TTN: variants seen among roughly 807,000 people sequenced by gnomAD.
TTN encodes the protein connectin.
TTN carries 1,525 observed loss-of-function variants against 3,223.0 expected under a neutral mutation model. The observed-to-expected ratio is 0.47, with a 90% CI of 0.45 to 0.49. The LOEUF (loss-of-function observed/expected upper bound fraction) is 0.49. TTN is among the 20% of genes least tolerant of loss of function. TTN has a pLI of 0.00. For missense variants in TTN, 40,786 were observed against 43,424.0 expected, an observed-to-expected ratio of 0.94 and a Z score of 5.40; for synonymous variants, 14,094 against 15,161.0, an observed-to-expected ratio of 0.93 and a Z score of 5.17.
At position 178,731,101 on chromosome 2, in the gene TTN, T is replaced by C. The variant is rs772017452; in HGVS notation, c.17564A>G (p.Lys5855Arg). 1.2e-6 allele frequency: 2 copies of C among 1,613,600 alleles called. No individual in the cohort carries two copies. Among genetic ancestry groups the C allele is most frequent in the East Asian group, 2.2e-5 (1 of 44,868 alleles). Residue 5855 changes from lysine (K) to arginine (R), a missense_variant, in exon 60 of 363, where the codon AAA (lysine) becomes AGA (arginine). Transcript: ENST00000589042. ...KFSGTKEITA[K>R]WFKDGQELTL... ...CAGTTCTTGGCCATCTTTAAACCAT[T>C]TGGCTGTAATCTCCTTAGTCCCTGA...
chr2:178,790,223 A>T (rs1325093097), intron 11 of TTN, 108 bp from the exon 12 acceptor site: 10 of 1,192,328 alleles, frequency 8.4e-6, no homozygotes, highest in Non-Finnish European at 1.0e-5. Context: ...CTATTCAAGG[A>T]AATTTTAATT....
Position 178,634,298 on chromosome 2 carries a change from G to A in TTN, c.42415+68C>T, listed in dbSNP as rs535976263. On this transcript the variant is annotated intron_variant, in intron 230 of 362. Coordinates refer to ENST00000589042, the MANE Select transcript of TTN (RefSeq NM_001267550.2). The surrounding 1 kb of genome is among the most constrained non-coding windows in gnomAD (Gnocchi z 4.6). ...ATTATCACAGCTTTTAGAACTTGGC[G>A]TCCTATCTTTAAAGTCATATATTTG... 5.3e-5 allele frequency: 82 copies of A among 1,549,464 alleles called. No individual in the cohort carries two copies. Among genetic ancestry groups the A allele is most frequent in the African/African-American group, 2.9e-4 (21 of 71,818 alleles).
intron 241 of TTN, 139 bp downstream of exon 241, chr2:178,625,134 C>G: frequency 1.6e-6 from 2 of 1,277,426 alleles, no homozygotes; most frequent in African/African-American, 1.6e-5. Flanking sequence ...TTTTGTTATG[C>G]TAAAAAGTAA....
intron 149 of TTN, 186 bp from the exon 150 acceptor site, chr2:178,675,299 G>T (rs542182128): frequency 1.7e-5 from 7 of 421,702 alleles, no homozygotes; most frequent in Non-Finnish European, 2.5e-5. Context: ...AAGATTTAGG[G>T]TTTATTAAAG....
chr2:178,644,420 T>C (rs1214413656), intron 218 of TTN, 128 bp downstream of exon 218: 2 of 677,856 alleles, frequency 3.0e-6, no homozygotes, highest in East Asian at 3.3e-5. Context: ...CACAGAAATA[T>C]AAGAAATGAA....
chr2:178,541,022 G>A (rs1019056252), intron 350 of TTN: 1 of 317,112 alleles, frequency 3.2e-6, no homozygotes, highest in African/African-American at 2.1e-5. Context: ...TCATCTTAAA[G>A]AAGTGGAAAT....
At chr2:178,701,655 G>A (rs1560495367) in intron 109 of TTN, 68 bp from the exon 110 acceptor site, 2 of 1,481,510 alleles carry the variant, frequency 1.3e-6, no homozygotes, top group Non-Finnish European at 1.9e-6. Context: ...ACTAAGGTGT[G>A]TTTGATTTAT....
rs1561509337 is a variant in TTN at position 178,800,262 on chromosome 2, GA to G, written c.583+132del. On this transcript the variant is annotated intron_variant, in intron 4 of 362. Transcript: ENST00000589042. ...ATCTCAGGGACTTTTCATGGGTGTC[GA>G]AAAGCCAGCTTTTATATCAGCTCAC... 6 of 1,263,318 alleles carry G rather than the reference GA, an allele frequency of 4.7e-6. No homozygotes were observed. The African/African-American group carries it at 9.0e-5, about 19-fold the overall frequency. The allele number at this position is 1,263,318 out of a possible 1,614,324, so 78.3% of individuals were successfully genotyped here.
rs2076763407 is a variant in TTN, at chr2:178,712,226, C to G, written c.27608-4G>C. 6.2e-7 allele frequency: 1 copy of G among 1,611,630 alleles called. No individual in the cohort carries two copies. The highest frequency in any genetic ancestry group is 8.5e-7 in the Non-Finnish European group (1 of 1,178,368). On this transcript the variant is annotated splice_region_variant and splice_polypyrimidine_tract_variant and intron_variant, in intron 95 of 362. Coordinates refer to ENST00000589042, the MANE Select transcript of TTN (RefSeq NM_001267550.2). ...TGCTTGACAAAATACGGTGGTTCTG[C>G]AGCCAAGAGAGATAATCAATCAGTC...
chr2:178,554,826 G>A (rs1245237133), intron 331 of TTN, 39 bp downstream of exon 331: 2 of 1,612,798 alleles, frequency 1.2e-6, no homozygotes, highest in Non-Finnish European at 1.7e-6. Flanking sequence ...TAAGCTTTAG[G>A]CAAATGTAAT....
rs794729382 is a variant in TTN, at chr2:178,570,804, G to T, written c.75328C>A (p.Arg25110=). 6.2e-7 allele frequency: 1 copy of T among 1,613,504 alleles called. No homozygotes were observed. Among genetic ancestry groups the T allele is most frequent in the Non-Finnish European group, 8.5e-7 (1 of 1,179,610 alleles). Residue 25110 remains arginine (R), a synonymous_variant, in exon 326 of 363, where the codon CGA becomes AGA. Transcript: ENST00000589042. ...TTGTATTTTGGATCCATACTTATTC[G>T]TGGTGGATCTACCTCATCTCTAGCT... ...ITARDEVDPP[R]ISMDPKYKDT...
chr2:178,725,733 A>C (rs1474212018), intron 70 of TTN, 35 bp downstream of exon 70: 1 of 1,555,834 alleles, frequency 6.4e-7, no homozygotes, highest in Admixed American at 1.9e-5. Context: ...TTGCACATTT[A>C]TGACATTTCT....
In TTN at chr2:178,776,058, T is replaced by TA; in HGVS notation, c.5805dup (p.Arg1936Ter). ...TCAGGAGCTCTCCTAAGGACAGACC[T>TA]AAAATCTTCCCTCTGTTGAATCTCA... On this transcript the variant is annotated frameshift_variant, in exon 28 of 363. Coordinates refer to ENST00000589042, the MANE Select transcript of TTN (RefSeq NM_001267550.2). LOFTEE classifies it high-confidence loss of function. The TA allele has an allele frequency of 6.2e-7, 1 of 1,614,214 alleles. No individual in the cohort carries two copies. Among genetic ancestry groups the TA allele is most frequent in the South Asian group, 1.1e-5 (1 of 91,090 alleles).
At chr2:178,594,712 GTGAA>G in intron 295 of TTN, 66 bp from the exon 296 acceptor site, 1 of 1,307,408 alleles carries the variant, frequency 7.6e-7, no homozygotes, top group Non-Finnish European at 1.1e-6. Flanking sequence ...GTAGGATGTA[GTGAA>G]TATTCCTTTT....
intron 282 of TTN, 142 bp downstream of exon 282, chr2:178,603,734 T>C: frequency 3.9e-6 from 3 of 766,732 alleles, no homozygotes; most frequent in Non-Finnish European, 5.9e-6. Flanking sequence ...ATACTTCCGA[T>C]AGTCTATGTG....
chr2:178,694,752 A>T (rs1208684513), intron 116 of TTN, 76 bp from the exon 117 acceptor site: 29 of 1,485,922 alleles, frequency 2.0e-5, no homozygotes, highest in Non-Finnish European at 2.5e-5. Context: ...ATTTGATTAT[A>T]TAAATAACTA....
Position 178,535,417 on chromosome 2 carries a change from G to A in TTN, c.101198C>T (p.Ala33733Val). 1.2e-6 allele frequency: 2 copies of A among 1,613,858 alleles called. No individual in the cohort carries two copies. The highest frequency in any genetic ancestry group is 8.5e-7 in the Non-Finnish European group (1 of 1,179,806). ...NYIVEKCATT[A>V]ERWLRVGQAR... ...CTGTCCTACACGGAGCCATCTTTCTGCAGTAGTTGCACATTTTTCAACAAT... is the reference window on the plus strand; with the variant it reads ...CTGTCCTACACGGAGCCATCTTTCTACAGTAGTTGCACATTTTTCAACAAT... The change falls in exon 358 of 363, where the codon GCA becomes GTA. Residue 33733 changes from alanine to valine, a missense_variant. Ala to Val is a moderately conservative substitution (Grantham distance 64). Transcript: ENST00000589042.
chr2:178,614,895 T>C lies in TTN; in HGVS notation c.48712A>G (p.Ser16238Gly), dbSNP rs2057023163. ...RVKALNRQGA[S>G]KPSRPTEEIQ... ...TCCTCTGTGGGTCTGCTTGGTTTGC[T>C]AGCACCCTGCCTGTTTAAGGCCTTC... is the stretch of plus-strand genomic sequence containing the variant. Residue 16238 changes from serine to glycine, a missense_variant, in exon 260 of 363, where the codon AGC becomes GGC. Physicochemically the swap from Ser to Gly is moderately conservative, Grantham distance 56. Coordinates refer to ENST00000589042, the MANE Select transcript of TTN (RefSeq NM_001267550.2). The C allele has an allele frequency of 1.9e-6, 3 of 1,582,400 alleles. No individual in the cohort carries two copies. Among genetic ancestry groups the C allele is most frequent in the Non-Finnish European group, 2.6e-6 (3 of 1,162,678 alleles).
Position 178,526,941 on chromosome 2 carries a change from G to A in TTN, c.*71C>T, listed in dbSNP as rs1312358866. 5.1e-6 allele frequency: 7 copies of A among 1,365,870 alleles called. No individual in the cohort carries two copies. The African/African-American group carries it at 1.0e-4, about 20-fold the overall frequency. The allele number at this position is 1,365,870 out of a possible 1,614,324, so 84.6% of individuals were successfully genotyped here. On this transcript the variant is annotated 3_prime_UTR_variant, in exon 363 of 363. Transcript: ENST00000589042. ...TTTTTCTTTAAATATTTACAGTTCA[G>A]AAAGATTAGTCCGTGTGAAACGTTT...
Sources: allele counts gnomAD v4.1 joint callset, GRCh38; gene constraint gnomAD v4.1.1; non-coding constraint Gnocchi (gnomAD v3.1); transcripts MANE v1.5; gene names NCBI Gene and HGNC (gene_info 2026-07-23, HGNC 2026-07-21).